The following ZNF292 variants were observed in gnomAD, a reference collection of about 807,000 sequenced individuals.
ZNF292 encodes the protein zinc finger protein 292.
ZNF292 carries 26 observed loss-of-function variants against 217.9 expected under a neutral mutation model. The ratio of observed to expected loss-of-function variants is 0.12; its 90% CI spans 0.09 to 0.17. The LOEUF is 0.17. ZNF292 is among the 10% of genes least tolerant of loss of function. The pLI, the probability that ZNF292 is intolerant of heterozygous loss-of-function variation, is 1.00. For missense variants in ZNF292, 2,904 were observed against 3,175.2 expected, an observed-to-expected ratio of 0.91 and a Z score of 2.05; for synonymous variants, 1,257 against 1,124.1, an observed-to-expected ratio of 1.12 and a Z score of -2.37.
chr6:87,204,666 C>T (rs9450634), intron 1 of ZNF292, among the ~76,000 whole-genome samples: 94,060 of 149,922 alleles, frequency 0.63, 30,895 homozygotes, highest in African/African-American at 0.83. Flanking sequence ...TGGGTTCAAG[C>T]GATTCTCCTG....
rs1770500301 is a variant in ZNF292, at chr6:87,155,652, G to A, written c.61G>A (p.Glu21Lys). Residue 21 changes from glutamate to lysine, a missense_variant, in exon 1 of 8, where the codon GAG becomes AAG. By Grantham distance (56) the Glu-to-Lys change is moderately conservative (BLOSUM62 1). Transcript: ENST00000369577. ...TTGCGGCGAAGGCGGCTGCGTCGCG[G>A]AGCTGCAGCGCCTGGGCGAGCGGCT... The part of the protein sequence containing the change: ...LSCGEGGCVA[E>K]LQRLGERLQE... The A allele has an allele frequency of 6.9e-6, 11 of 1,583,162 alleles. No homozygotes were observed. The highest frequency in any genetic ancestry group is 9.4e-6 in the Non-Finnish European group (11 of 1,166,442).
chr6:87,212,840 T>C (rs1772562519), intron 1 of ZNF292, among the ~76,000 whole-genome samples: 1 of 152,204 alleles, frequency 6.6e-6, no homozygotes, highest in African/African-American at 2.4e-5. Context: ...GTCCTCTGAA[T>C]CATCTAGCTG....
In ZNF292 at chr6:87,257,039, A is replaced by G; in HGVS notation, c.3410A>G (p.Lys1137Arg). The stretch of plus-strand genomic sequence containing the variant: ...GCATTTAAAATGCAGCGCAAAAGTA[A>G]AAAAGGTCAGAAAGCTAACAACTTA... ...YAAFKMQRKS[K>R]KGQKANNLNT... is the part of the protein sequence containing the mutation. Residue 1137 changes from lysine to arginine, a missense_variant, in exon 8 of 8, where the codon AAA becomes AGA. Coordinates refer to ENST00000369577, the MANE Select transcript of ZNF292 (RefSeq NM_015021.3). 6.2e-7 allele frequency: 1 copy of G among 1,613,792 alleles called. No homozygotes were observed. The highest frequency in any genetic ancestry group is 8.5e-7 in the Non-Finnish European group (1 of 1,179,806).
At position 87,260,778 on chromosome 6, in the gene ZNF292, A is replaced by G. The variant is rs915235064; in HGVS notation, c.7149A>G (p.Val2383=). 3.7e-6 allele frequency: 6 copies of G among 1,613,436 alleles called. No homozygotes were observed. Among genetic ancestry groups the G allele is most frequent in the East Asian group, 2.2e-5 (1 of 44,864 alleles). ...TGTCTGAGTGTACAAGCAGATTTGTAACCCAGTATCCATGTATGATAAAGG... is the reference window on the plus strand; with the variant it reads ...TGTCTGAGTGTACAAGCAGATTTGTGACCCAGTATCCATGTATGATAAAGG... The part of the protein sequence containing the change: ...DALSECTSRF[V]TQYPCMIKGC... The change falls in exon 8 of 8, where the codon GTA becomes GTG. Residue 2383 remains valine (V), a synonymous_variant. Coordinates refer to ENST00000369577, the MANE Select transcript of ZNF292 (RefSeq NM_015021.3).
Position 87,247,896 on chromosome 6 carries a change from A to G in ZNF292, c.1020+2252A>G, listed in dbSNP as rs139223680. Among the ~76,000 whole-genome samples the G allele has an allele frequency of 7.2e-3, 1,097 of 152,338 alleles. 17 individuals carry two copies. Among genetic ancestry groups the G allele is most frequent in the African/African-American group, 0.024 (979 of 41,580 alleles). On this transcript the variant is annotated intron_variant, in intron 7 of 7. Transcript: ENST00000369577. ...AAAGAACGTTTGGAAATAAACATAC[A>G]TAGTTATCGAAATGAAAATTTTAGC...
intron 1 of ZNF292, among the ~76,000 whole-genome samples, chr6:87,182,121 C>G (rs372208943): frequency 6.6e-6 from 1 of 152,128 alleles, no homozygotes; most frequent in Non-Finnish European, 1.5e-5. Flanking sequence ...CACTGCTAGT[C>G]CATGGTAATT....
At chr6:87,211,862 C>A (rs1305349299) in intron 1 of ZNF292, among the ~76,000 whole-genome samples, 1 of 152,140 alleles carries the variant, frequency 6.6e-6, no homozygotes, top group African/African-American at 2.4e-5. Context: ...CATCTTCAAA[C>A]CAGATTACAG....
intron 1 of ZNF292, among the ~76,000 whole-genome samples, chr6:87,181,290 G>A (rs961208519): frequency 2.6e-5 from 4 of 152,168 alleles, no homozygotes; most frequent in Admixed American, 6.5e-5. Context: ...TGGGGAGCCA[G>A]AAGGTGGGGA....
intron 4 of ZNF292, among the ~76,000 whole-genome samples, chr6:87,231,221 C>T (rs535659546): frequency 2.6e-5 from 4 of 152,104 alleles, no homozygotes; most frequent in Admixed American, 6.5e-5. Flanking sequence ...GAATCATGAA[C>T]TTCAGAATAT....
intron 4 of ZNF292, among the ~76,000 whole-genome samples, 194 bp downstream of exon 4, chr6:87,218,925 T>C (rs1217593757): frequency 3.3e-5 from 5 of 152,210 alleles, no homozygotes; most frequent in African/African-American, 1.2e-4. Flanking sequence ...TATAGAATCA[T>C]AGATTAACAG....
intron 2 of ZNF292, 97 bp downstream of exon 2, chr6:87,216,154 CACAA>C (rs1159955037): frequency 7.7e-5 from 84 of 1,086,422 alleles, no homozygotes; most frequent in Non-Finnish European, 9.8e-5. Flanking sequence ...CACACACACA[CACAA>C]CATTAAATCT....
intron 7 of ZNF292, 137 bp from the exon 8 acceptor site, chr6:87,254,513 C>A (rs1775102056): frequency 3.8e-6 from 3 of 798,974 alleles, no homozygotes; most frequent in Non-Finnish European, 6.0e-6. Context: ...AGCTGCAGTG[C>A]TTTAGAAGGG....
chr6:87,233,610 T>C (rs1473709312), intron 5 of ZNF292, 83 bp downstream of exon 5: 1 of 1,535,462 alleles, frequency 6.5e-7, no homozygotes, highest in Non-Finnish European at 8.7e-7. Context: ...TTTCCTTTTC[T>C]CTTAGATAGC....
intron 1 of ZNF292, among the ~76,000 whole-genome samples, chr6:87,198,184 A>T (rs1007606384): frequency 4.2e-5 from 1 of 23,882 alleles, no homozygotes; most frequent in Admixed American, 6.0e-4. Flanking sequence ...TGTTTATTTT[A>T]TTTATTTATT....
At position 87,254,834 on chromosome 6, in the gene ZNF292, C is replaced by G. The variant is rs762030565; in HGVS notation, c.1205C>G (p.Ala402Gly). 1 of 1,613,650 alleles carries G rather than the reference C, an allele frequency of 6.2e-7. No homozygotes were observed. The highest frequency in any genetic ancestry group is 1.3e-5 in the African/African-American group (1 of 74,888). ...TTTCTTATTGAGCCTACAGTAGATG[C>G]GTATTATGCTGTGGAAATGTTGTAT... ...SEFLIEPTVD[A>G]YYAVEMLYNQ... Residue 402 changes from alanine to glycine, a missense_variant, in exon 8 of 8, where the codon GCG (alanine) becomes GGG (glycine). Ala to Gly is a moderately conservative substitution (Grantham distance 60, BLOSUM62 0). This residue lies in a region of ZNF292 where 313 missense variants were observed against 451.0 expected (regional missense o/e 0.69). Transcript: ENST00000369577.
At chr6:87,159,443 A>G (rs1770647547) in intron 1 of ZNF292, among the ~76,000 whole-genome samples, 1 of 149,838 alleles carries the variant, frequency 6.7e-6, no homozygotes, top group African/African-American at 2.4e-5. Flanking sequence ...GCACACTACA[A>G]CCTCAAACTC....
chr6:87,169,555 A>C (rs2127772567), intron 1 of ZNF292: 1 of 296,052 alleles, frequency 3.4e-6, no homozygotes, highest in African/African-American at 2.2e-5. Context: ...AAGTTGATTG[A>C]AGTAGTTATT....
intron 1 of ZNF292, among the ~76,000 whole-genome samples, chr6:87,201,367 T>C (rs1425937841): frequency 1.3e-5 from 2 of 152,186 alleles, no homozygotes; most frequent in Non-Finnish European, 2.9e-5. Flanking sequence ...GGTCTTAAGA[T>C]GTTCTCCTAT....
At chr6:87,237,407 A>G (rs770907230) in intron 5 of ZNF292, among the ~76,000 whole-genome samples, 45 of 152,008 alleles carry the variant, frequency 3.0e-4, no homozygotes, top group Non-Finnish European at 1.9e-4. Context: ...ATGCCTGGCT[A>G]ATTTTTTGTA....
Sources: allele counts gnomAD v4.1 joint callset (sites outside exome capture counted in the v4.1 genomes callset), GRCh38; gene constraint gnomAD v4.1.1; regional missense constraint gnomAD v4.1.1; transcripts MANE v1.5; gene names NCBI Gene and HGNC (gene_info 2026-07-23, HGNC 2026-07-21).